Variants in ETAA1 observed in about 807,000 individuals in gnomAD.
ETAA1 encodes the protein ewing's tumor-associated antigen 1.
In ETAA1, 49 loss-of-function variants were observed where a neutral mutation model predicts 76.8. The ratio of observed to expected loss-of-function variants is 0.64; its 90% CI spans 0.51 to 0.81. ETAA1 has a LOEUF of 0.81. Among genes scored for constraint, ETAA1 ranks in the 30% least tolerant of loss-of-function variants. ETAA1 has a pLI of 0.00. For missense variants in ETAA1, 1,099 were observed against 1,074.0 expected, an observed-to-expected ratio of 1.02 and a Z score of -0.32; for synonymous variants, 373 against 372.2, an observed-to-expected ratio of 1.00 and a Z score of -0.03.
intron 1 of ETAA1, 73 bp from the exon 2 acceptor site, chr2:67,399,096 G>T: frequency 7.4e-7 from 1 of 1,355,722 alleles, no homozygotes; most frequent in South Asian, 1.4e-5. Context: ...TCAGCTATTT[G>T]ACCTTGGGGT....
chr2:67,398,938 A>G (rs896259749), intron 1 of ETAA1, among the ~76,000 whole-genome samples: 2 of 152,228 alleles, frequency 1.3e-5, no homozygotes, highest in African/African-American at 4.8e-5. Flanking sequence ...GCATTCATAA[A>G]GCTTCTGGAT....
rs909437945 is a variant in ETAA1, at chr2:67,397,389, C to T, written c.-60C>T. On this transcript the variant is annotated 5_prime_UTR_variant, in exon 1 of 6. Coordinates refer to ENST00000272342, the MANE Select transcript of ETAA1 (RefSeq NM_019002.4). ...GGGTGCGGTTTGTAGTGCTGTTGCCCTACTCATCCCTTTGCAAAATGTGAA... is the reference window on the plus strand; with the variant it reads ...GGGTGCGGTTTGTAGTGCTGTTGCCTTACTCATCCCTTTGCAAAATGTGAA... 1.3e-5 allele frequency: 20 copies of T among 1,512,856 alleles called. No individual in the cohort carries two copies. The African/African-American group carries it at 2.1e-4, about 16-fold the overall frequency. The allele number at this position is 1,512,856 out of a possible 1,614,324, so 93.7% of individuals were successfully genotyped here. A position where few individuals can be genotyped will look rare whatever the true frequency, so the allele number is the denominator to read the frequency against.
intron 5 of ETAA1, among the ~76,000 whole-genome samples, chr2:67,407,799 G>T (rs1558582996): frequency 6.6e-6 from 1 of 152,004 alleles, no homozygotes; most frequent in Non-Finnish European, 1.5e-5. Context: ...CATCATAAAG[G>T]TCTTCATCCT....
At chr2:67,406,725 C>T (rs956430397) in intron 5 of ETAA1, among the ~76,000 whole-genome samples, 4 of 151,632 alleles carry the variant, frequency 2.6e-5, no homozygotes, top group Admixed American at 6.6e-5. Context: ...TGTGTATGTA[C>T]GTATATATGT....
rs760872972 is a variant in ETAA1 at position 67,403,612 on chromosome 2, T to C, written c.930T>C (p.Asn310=). Residue 310 remains asparagine (N), a synonymous_variant, in exon 5 of 6, where the codon AAT becomes AAC. Coordinates refer to ENST00000272342, the MANE Select transcript of ETAA1 (RefSeq NM_019002.4). ...ELPEAFWSTS[N]TTFVKTNALK... ...CAGAGGCTTTTTGGAGCACCAGTAA[T>C]ACTACCTTTGTAAAGACAAATGCTT... 13 of 1,613,222 alleles carry C rather than the reference T, an allele frequency of 8.1e-6. No homozygotes were observed. In the Admixed American group the frequency reaches 2.2e-4, roughly 27 times the overall value.
chr2:67,408,338 AAGG>A (rs754256100), intron 5 of ETAA1, among the ~76,000 whole-genome samples: 3 of 152,150 alleles, frequency 2.0e-5, no homozygotes, highest in Non-Finnish European at 2.9e-5. Context: ...AAAAAATTAA[AAGG>A]AGAATAATAT....
At chr2:67,401,454 A>G (rs1461575258) in intron 3 of ETAA1, 1 of 151,926 alleles carries the variant, frequency 6.6e-6, no homozygotes, top group Non-Finnish European at 1.5e-5. Flanking sequence ...TTATTTGAAG[A>G]TGGTATGTAT....
chr2:67,403,490 A>T lies in ETAA1; in HGVS notation c.808A>T (p.Ser270Cys). The T allele has an allele frequency of 6.2e-7, 1 of 1,613,524 alleles. No homozygotes were observed. Among genetic ancestry groups the T allele is most frequent in the Non-Finnish European group, 8.5e-7 (1 of 1,179,512 alleles). Residue 270 changes from serine (S) to cysteine (C), a missense_variant, in exon 5 of 6, where the codon AGT (serine) becomes TGT (cysteine). This residue lies in a region of ETAA1 where 761 missense variants were observed against 731.9 expected (regional missense o/e 1.04). Coordinates refer to ENST00000272342, the MANE Select transcript of ETAA1 (RefSeq NM_019002.4). ...ATCTGTGGCAAATAATCAAAATAGC[A>T]GTCAGAAGCCATTTGACCAAATTGC... The part of the protein sequence containing the change: ...KISVANNQNS[S>C]QKPFDQIAEA...
chr2:67,409,724 A>G (rs1420550566), intron 5 of ETAA1, among the ~76,000 whole-genome samples, 187 bp from the exon 6 acceptor site: 1 of 151,860 alleles, frequency 6.6e-6, no homozygotes, highest in African/African-American at 2.4e-5. Flanking sequence ...TCAGTGCTTG[A>G]TTTTCTTTTG....
At position 67,404,938 on chromosome 2, in the gene ETAA1, G is replaced by A. The variant is rs754267322; in HGVS notation, c.2256G>A (p.Val752=). 3.1e-6 allele frequency: 5 copies of A among 1,613,000 alleles called. No individual in the cohort carries two copies. The South Asian group carries it at 5.5e-5, about 18-fold the overall frequency. The change falls in exon 5 of 6, where the codon GTG becomes GTA. Residue 752 remains valine, a synonymous_variant. Transcript: ENST00000272342. ...ISNCQINNLH[V]SYTNTDVPIQ... is the part of the protein sequence containing the mutation. ...ACTGTCAGATAAATAATCTGCATGT[G>A]TCTTATACTAACACTGATGTTCCAA... is the stretch of plus-strand genomic sequence containing the variant.
In ETAA1 at chr2:67,406,057, T is replaced by C. The variant is rs1434532286; in HGVS notation, c.2653+722T>C. ...AGTGGAATAGCCTTTTAAAATTGGA[T>C]GGGCAAAAATGGCGTTTCTATGCTT... On this transcript the variant is annotated intron_variant, in intron 5 of 5. Transcript: ENST00000272342. Among the ~76,000 whole-genome samples, 6 of 152,230 alleles carry C rather than the reference T, an allele frequency of 3.9e-5. No homozygotes were observed. In the East Asian group the frequency reaches 1.2e-3, roughly 29 times the overall value.
chr2:67,398,525 CAG>C (rs543034601), intron 1 of ETAA1, among the ~76,000 whole-genome samples: 23 of 151,904 alleles, frequency 1.5e-4, no homozygotes, highest in East Asian at 1.2e-3. Context: ...TTGGTAGAGA[CAG>C]GGGTTTCACC....
intron 5 of ETAA1, 126 bp downstream of exon 5, chr2:67,405,461 G>A (rs1676192032): frequency 4.8e-6 from 3 of 621,524 alleles, no homozygotes; most frequent in Non-Finnish European, 7.9e-6. Context: ...TTAATTTTAA[G>A]AATTAACTAG....
At position 67,399,292 on chromosome 2, in the gene ETAA1, A is replaced by G; in HGVS notation, c.347A>G (p.Gln116Arg). 1.9e-6 allele frequency: 3 copies of G among 1,604,716 alleles called. No homozygotes were observed. The South Asian group carries it at 3.4e-5, about 18-fold the overall frequency. ...GATCAGAATTCTCCATTGACAAAGC[A>G]GTTAGGTAATTAATTATTAACATTT... ...FWDQNSPLTK[Q>R]LGKGRKKQIY... is the part of the protein sequence containing the mutation. The change falls in exon 2 of 6, where the codon CAG becomes CGG. Residue 116 changes from glutamine (Q) to arginine (R), a missense_variant. Gln to Arg is a conservative substitution (Grantham distance 43). This residue lies in a region of ETAA1 where 761 missense variants were observed against 731.9 expected (regional missense o/e 1.04). Transcript: ENST00000272342.
chr2:67,398,792 G>A (rs927128021), intron 1 of ETAA1, among the ~76,000 whole-genome samples: 2 of 152,084 alleles, frequency 1.3e-5, no homozygotes, highest in African/African-American at 4.8e-5. Context: ...TGGTGAAAGG[G>A]GGCTAAACAT....
chr2:67,402,870 AC>A lies in ETAA1; in HGVS notation c.440del (p.Pro147GlnfsTer22), dbSNP rs1277310869. 1 of 1,588,520 alleles carries A rather than the reference AC, an allele frequency of 6.3e-7. No individual in the cohort carries two copies. Among genetic ancestry groups the A allele is most frequent in the Non-Finnish European group, 8.6e-7 (1 of 1,168,652 alleles). ...VNRIAPQDEK[P>X]TTNSMLDMWI... The stretch of plus-strand genomic sequence containing the variant: ...TTCCCTATCTGCCAAAGGATGAAAA[AC>A]CAACAACAAATTCTATGCTGGACAT... On this transcript the variant is annotated frameshift_variant, in exon 4 of 6. Transcript: ENST00000272342. LOFTEE classifies it high-confidence loss of function.
At chr2:67,409,844 A>G (rs1454901599) in intron 5 of ETAA1, 67 bp from the exon 6 acceptor site, 12 of 1,483,914 alleles carry the variant, frequency 8.1e-6, no homozygotes, top group Non-Finnish European at 9.9e-6. Flanking sequence ...AAAAGCAAAA[A>G]TTAAAGCACA....
intron 3 of ETAA1, among the ~76,000 whole-genome samples, chr2:67,399,851 AT>A (rs753541673): frequency 6.6e-6 from 1 of 152,250 alleles, no homozygotes; most frequent in African/African-American, 2.4e-5. Flanking sequence ...TCTTGTTTTA[AT>A]TTTTTAGAGT....
chr2:67,402,981 T>G lies in ETAA1; in HGVS notation c.542+7T>G. On this transcript the variant is annotated splice_region_variant and intron_variant, in intron 4 of 5. Coordinates refer to ENST00000272342, the MANE Select transcript of ETAA1 (RefSeq NM_019002.4). ...CAAAAATCAGCTGCACAAAGTAAGT[T>G]AAGACTTTTCAGCTTTTCTGAAATT... 1 of 1,582,144 alleles carries G rather than the reference T, an allele frequency of 6.3e-7. No individual in the cohort carries two copies.
Sources: allele counts gnomAD v4.1 joint callset (sites outside exome capture counted in the v4.1 genomes callset), GRCh38; gene constraint gnomAD v4.1.1; regional missense constraint gnomAD v4.1.1; transcripts MANE v1.5; gene names NCBI Gene and HGNC (gene_info 2026-07-23, HGNC 2026-07-21).